The following BTBD9 variants were observed in gnomAD, a reference collection of about 807,000 sequenced individuals.
BTBD9 encodes BTB domain containing 9.
In BTBD9, 49 loss-of-function variants were observed where a neutral mutation model predicts 64.3. The ratio of observed to expected loss-of-function variants is 0.76; its 90% CI spans 0.61 to 0.97. BTBD9 has a LOEUF of 0.97. Ranked by LOEUF, BTBD9 falls within the 50% of genes least tolerant of loss-of-function variation. The pLI, the probability that BTBD9 is intolerant of heterozygous loss-of-function variation, is 0.00. For missense variants in BTBD9, 598 were observed against 762.1 expected, an observed-to-expected ratio of 0.78 and a Z score of 2.53; for synonymous variants, 260 against 274.7, an observed-to-expected ratio of 0.95 and a Z score of 0.53.
chr6:38,566,502 G>A lies in BTBD9; in HGVS notation c.1154+11098C>T, dbSNP rs533494728. Reference sequence around the variant, plus strand: ...TATACTTTTGTGCAGACAGCTTACCGGTGTGATGCAGCCATGAATCACACT... The same window carrying A: ...TATACTTTTGTGCAGACAGCTTACCAGTGTGATGCAGCCATGAATCACACT... On this transcript the variant is annotated intron_variant, in intron 6 of 10. Coordinates refer to ENST00000481247, the MANE Select transcript of BTBD9 (RefSeq NM_001099272.2). Among the ~76,000 whole-genome samples, 10 of 152,246 alleles carry A rather than the reference G, an allele frequency of 6.6e-5. No individual in the cohort carries two copies. In the East Asian group the frequency reaches 9.6e-4, roughly 15 times the overall value.
At chr6:38,501,481 T>C (rs1373875981) in intron 6 of BTBD9, among the ~76,000 whole-genome samples, 1 of 152,234 alleles carries the variant, frequency 6.6e-6, no homozygotes, top group East Asian at 1.9e-4. Flanking sequence ...CAATACTTGT[T>C]GATCATAGAT....
intron 9 of BTBD9, among the ~76,000 whole-genome samples, chr6:38,210,791 A>G (rs1762809648): frequency 6.6e-6 from 1 of 152,122 alleles, no homozygotes; most frequent in Non-Finnish European, 1.5e-5. Context: ...TCACACTTGG[A>G]TCTTATAATT....
chr6:38,533,939 A>C (rs963385765), intron 6 of BTBD9, among the ~76,000 whole-genome samples: 2 of 152,116 alleles, frequency 1.3e-5, no homozygotes, highest in Non-Finnish European at 2.9e-5. Context: ...AAAAAGAAAA[A>C]CTTCAAGTAA....
At chr6:38,582,921 C>T (rs1776359174) in intron 4 of BTBD9, among the ~76,000 whole-genome samples, 1 of 152,176 alleles carries the variant, frequency 6.6e-6, no homozygotes, top group South Asian at 2.1e-4. Flanking sequence ...TTTCTGAGGA[C>T]TCATCCTGTA....
chr6:38,187,042 G>A (rs776646139), intron 10 of BTBD9, among the ~76,000 whole-genome samples: 12 of 152,144 alleles, frequency 7.9e-5, no homozygotes, highest in Non-Finnish European at 1.2e-4. Flanking sequence ...ACTCCCAGCC[G>A]GGTTTATTTA....
chr6:38,385,075 G>A (rs1766094251), intron 6 of BTBD9, among the ~76,000 whole-genome samples: 1 of 150,788 alleles, frequency 6.6e-6, no homozygotes, highest in African/African-American at 2.4e-5. Context: ...TATCTAACTA[G>A]CATAATAACT....
intron 7 of BTBD9, among the ~76,000 whole-genome samples, chr6:38,304,508 T>A (rs776112864): frequency 1.3e-5 from 2 of 149,428 alleles, no homozygotes; most frequent in Non-Finnish European, 3.0e-5. Flanking sequence ...ACCATGCCAA[T>A]ACACTCCAGC....
intron 10 of BTBD9, among the ~76,000 whole-genome samples, chr6:38,180,182 C>G (rs139429795): frequency 6.6e-6 from 1 of 152,206 alleles, no homozygotes; most frequent in Admixed American, 6.5e-5. Flanking sequence ...CAGATTTGCA[C>G]GCAATGCAAA....
intron 6 of BTBD9, among the ~76,000 whole-genome samples, chr6:38,384,090 G>C (rs1473153586): frequency 6.6e-6 from 1 of 152,092 alleles, no homozygotes; most frequent in African/African-American, 2.4e-5. Flanking sequence ...AGCACATAAG[G>C]CACAGTGATT....
chr6:38,250,200 A>G (rs1764344655), intron 9 of BTBD9, among the ~76,000 whole-genome samples: 1 of 152,194 alleles, frequency 6.6e-6, no homozygotes, highest in African/African-American at 2.4e-5. Context: ...ACAAAAAGAA[A>G]ATGAAATTGA....
chr6:38,471,552 T>C (rs1770653596), intron 6 of BTBD9, among the ~76,000 whole-genome samples: 1 of 152,204 alleles, frequency 6.6e-6, no homozygotes, highest in South Asian at 2.1e-4. Flanking sequence ...TTTTTCGTTG[T>C]TGTTGTTGTT....
chr6:38,466,920 C>A (rs181141364), intron 6 of BTBD9, among the ~76,000 whole-genome samples: 91 of 152,276 alleles, frequency 6.0e-4, no homozygotes, highest in Non-Finnish European at 8.1e-4. Context: ...GAACATCACT[C>A]ATGCCTAGAG....
intron 10 of BTBD9, among the ~76,000 whole-genome samples, chr6:38,192,135 A>T (rs1010437254): frequency 6.6e-6 from 1 of 152,196 alleles, no homozygotes; most frequent in Non-Finnish European, 1.5e-5. Flanking sequence ...CAGGGGAGTG[A>T]TAAGTCTGCA....
At chr6:38,378,656 T>G (rs1009325331) in intron 6 of BTBD9, among the ~76,000 whole-genome samples, 1 of 151,660 alleles carries the variant, frequency 6.6e-6, no homozygotes, top group Non-Finnish European at 1.5e-5. Context: ...GGTAGACCGC[T>G]TGAGGTCAGG....
At chr6:38,397,762 T>C (rs1766745124) in intron 6 of BTBD9, among the ~76,000 whole-genome samples, 1 of 152,160 alleles carries the variant, frequency 6.6e-6, no homozygotes, top group Non-Finnish European at 1.5e-5. Context: ...ATAGGTGTTA[T>C]ACAGAAAATA....
chr6:38,382,008 T>C (rs1765955274), intron 6 of BTBD9, among the ~76,000 whole-genome samples: 1 of 151,972 alleles, frequency 6.6e-6, no homozygotes, highest in African/African-American at 2.4e-5. Context: ...GACTCCAGGG[T>C]TCCATCTCTT....
chr6:38,526,760 T>C (rs909267869), intron 6 of BTBD9, among the ~76,000 whole-genome samples: 1 of 152,252 alleles, frequency 6.6e-6, no homozygotes, highest in African/African-American at 2.4e-5. Flanking sequence ...CCCTTTGTTT[T>C]GGCCAATTTC....
At chr6:38,435,019 A>C (rs1372080041) in intron 6 of BTBD9, among the ~76,000 whole-genome samples, 1 of 151,582 alleles carries the variant, frequency 6.6e-6, no homozygotes, top group African/African-American at 2.4e-5. Context: ...ACATGGAGAA[A>C]CCCTGTCTCT....
intron 9 of BTBD9, among the ~76,000 whole-genome samples, chr6:38,227,129 T>G (rs1026128287): frequency 2.0e-5 from 3 of 152,172 alleles, no homozygotes; most frequent in African/African-American, 7.2e-5. Context: ...GCGAAGTCAC[T>G]AGAGAGAGAA....
Sources: allele counts gnomAD v4.1 joint callset (sites outside exome capture counted in the v4.1 genomes callset), GRCh38; gene constraint gnomAD v4.1.1; transcripts MANE v1.5; gene names NCBI Gene and HGNC (gene_info 2026-07-23, HGNC 2026-07-21).